MBOAT2: variants seen among roughly 807,000 people sequenced by gnomAD.
The protein encoded by MBOAT2 is membrane bound glycerophospholipid O-acyltransferase 2.
MBOAT2 carries 28 observed loss-of-function variants against 63.4 expected under a neutral mutation model. The ratio of observed to expected loss-of-function variants is 0.44; its 90% CI spans 0.33 to 0.61. The LOEUF is 0.61. Among genes scored for constraint, MBOAT2 ranks in the 20% least tolerant of loss-of-function variants. The probability of loss-of-function intolerance (pLI) is 0.03; values close to 1 mark genes in which losing one functional copy is unlikely to be tolerated. For missense variants in MBOAT2, 470 were observed against 605.8 expected (o/e 0.78, Z 2.35); for synonymous variants, 211 against 215.6 (o/e 0.98, Z 0.19).
chr2:8,993,662 A>G (rs1672067981), intron 1 of MBOAT2, among the ~76,000 whole-genome samples: 1 of 152,112 alleles, frequency 6.6e-6, no homozygotes, highest in South Asian at 2.1e-4. Context: ...TGGCCTTCCT[A>G]ACTTCCTCAG....
Position 8,862,274 on chromosome 2 carries a change from T to G in MBOAT2, c.1185+316A>C. 7.7e-7 allele frequency: 1 copy of G among 1,303,612 alleles called. No homozygotes were observed. Among genetic ancestry groups the G allele is most frequent in the Non-Finnish European group, 1.0e-6 (1 of 999,108 alleles). The allele number at this position is 1,303,612 out of a possible 1,614,324, so 80.8% of individuals were successfully genotyped here. ...AACATTTCTAAAATAAACCTACCCA[T>G]TCTGATCATCTTTATTTAACTCAGT... On this transcript the variant is annotated intron_variant, in intron 11 of 12. Transcript: ENST00000305997. The surrounding 1 kb of genome is among the most constrained non-coding windows in gnomAD (Gnocchi z 4.3).
intron 1 of MBOAT2, among the ~76,000 whole-genome samples, chr2:8,993,719 G>C (rs200585099): frequency 6.6e-6 from 1 of 152,138 alleles, no homozygotes; most frequent in Non-Finnish European, 1.5e-5. Flanking sequence ...GAGCTGCGGT[G>C]TTTTATGTCT....
chr2:8,911,795 G>C (rs1319052544), intron 3 of MBOAT2, among the ~76,000 whole-genome samples: 19 of 152,060 alleles, frequency 1.2e-4, no homozygotes. Flanking sequence ...GCTCAATGTT[G>C]AACTTTGTAA....
At chr2:8,954,333 T>C (rs1213638470) in intron 2 of MBOAT2, among the ~76,000 whole-genome samples, 1 of 152,168 alleles carries the variant, frequency 6.6e-6, no homozygotes, top group Admixed American at 6.5e-5. Context: ...AAGCTCTCTA[T>C]TGCCTCAGGC....
chr2:8,875,122 C>A (rs185416479), intron 7 of MBOAT2, among the ~76,000 whole-genome samples: 2 of 152,306 alleles, frequency 1.3e-5, no homozygotes, highest in African/African-American at 4.8e-5. Context: ...AGGTCCCCAA[C>A]AGAAGAGCCA....
At chr2:8,945,288 C>T (rs1025278745) in intron 2 of MBOAT2, among the ~76,000 whole-genome samples, 1 of 152,150 alleles carries the variant, frequency 6.6e-6, no homozygotes, top group African/African-American at 2.4e-5. Flanking sequence ...CATTCAGTTG[C>T]TTTTCCACTC....
At chr2:8,958,260 ATCTG>A (rs1393099345) in intron 2 of MBOAT2, among the ~76,000 whole-genome samples, 2 of 152,220 alleles carry the variant, frequency 1.3e-5, no homozygotes, top group Non-Finnish European at 2.9e-5. Flanking sequence ...TATCCTCTTC[ATCTG>A]TCTTTCCACA....
In MBOAT2 at chr2:8,908,608, GT is replaced by G. The variant is rs1319360039; in HGVS notation, c.395+12del. ...GGATAAAACAGGCTACTGAATCAAA[GT>G]TTTCATCTTACCCTGAAAAATCAGC... On this transcript the variant is annotated intron_variant, in intron 4 of 12. Transcript: ENST00000305997. 1 of 1,516,582 alleles carries G rather than the reference GT, an allele frequency of 6.6e-7. No individual in the cohort carries two copies. The highest frequency in any genetic ancestry group is 1.2e-5 in the South Asian group (1 of 85,460). 93.9% of individuals were successfully genotyped at this position (1,516,582 alleles called of 1,614,324 possible). A position where few individuals can be genotyped will look rare whatever the true frequency, so the allele number is the denominator to read the frequency against.
intron 10 of MBOAT2, among the ~76,000 whole-genome samples, chr2:8,863,055 T>TA (rs1323731155): frequency 2.6e-5 from 4 of 151,988 alleles, no homozygotes; most frequent in East Asian, 1.9e-4. Flanking sequence ...TTATTTTATT[T>TA]AAAAAAAATC....
At chr2:8,892,813 A>G (rs1664101803) in intron 4 of MBOAT2, among the ~76,000 whole-genome samples, 1 of 152,042 alleles carries the variant, frequency 6.6e-6, no homozygotes, top group Non-Finnish European at 1.5e-5. Context: ...AGCCCCAGGA[A>G]GAAGTGTGAC....
rs1459753784 is a variant in MBOAT2, at chr2:8,853,754, T to A, written c.*4925A>T. The A allele has an allele frequency of 6.6e-6, 1 of 152,160 alleles. No homozygotes were observed. The highest frequency in any genetic ancestry group is 2.4e-5 in the African/African-American group (1 of 41,436). The allele number at this position is 152,160 out of a possible 1,614,324, so 9.4% of individuals were successfully genotyped here. ...TAATTTACAGAACATACAGTCTTAG[T>A]GTTGTATTTTTTCTTTATAAAAGTT... is the stretch of plus-strand genomic sequence containing the variant. On this transcript the variant is annotated 3_prime_UTR_variant, in exon 13 of 13. Transcript: ENST00000305997.
intron 2 of MBOAT2, among the ~76,000 whole-genome samples, chr2:8,957,862 CATT>C (rs1253444635): frequency 6.6e-6 from 1 of 152,140 alleles, no homozygotes; most frequent in Non-Finnish European, 1.5e-5. Flanking sequence ...GCACAGCTAA[CATT>C]TGTTTGTTAC....
At position 8,877,007 on chromosome 2, in the gene MBOAT2, C is replaced by T. The variant is rs201575075; in HGVS notation, c.690+23G>A. On this transcript the variant is annotated intron_variant, in intron 7 of 12. Transcript: ENST00000305997. The stretch of plus-strand genomic sequence containing the variant: ...CTAACCAATACATGCTGTAAAGGCT[C>T]CAGATAAATCTCATGACCTTACATT... The T allele has an allele frequency of 1.8e-3, 2,846 of 1,582,864 alleles. 11 individuals carry two copies. Among genetic ancestry groups the T allele is most frequent in the Non-Finnish European group, 2.1e-3 (2,486 of 1,166,178 alleles).
chr2:8,893,260 G>C (rs1249732029), intron 4 of MBOAT2, among the ~76,000 whole-genome samples: 3 of 152,122 alleles, frequency 2.0e-5, no homozygotes, highest in Admixed American at 2.0e-4. Context: ...CAAGGTTTTT[G>C]ACCAGGGTAA....
chr2:9,001,358 T>A (rs934126660), intron 1 of MBOAT2, among the ~76,000 whole-genome samples: 3 of 152,144 alleles, frequency 2.0e-5, no homozygotes, highest in Non-Finnish European at 4.4e-5. Context: ...CACAGTAGGT[T>A]TGGACTGGCA....
chr2:8,903,444 C>A (rs1665109356), intron 4 of MBOAT2, among the ~76,000 whole-genome samples: 1 of 152,010 alleles, frequency 6.6e-6, no homozygotes, highest in Admixed American at 6.6e-5. Context: ...TAAGATATAT[C>A]CTTGATGTGA....
At chr2:8,967,451 A>G (rs1391157233) in intron 1 of MBOAT2, among the ~76,000 whole-genome samples, 3 of 152,262 alleles carry the variant, frequency 2.0e-5, no homozygotes, top group Non-Finnish European at 4.4e-5. Context: ...ACTCGAATAA[A>G]TGGAAACGCA....
intron 12 of MBOAT2, 116 bp from the exon 13 acceptor site, chr2:8,859,020 CTACATTAT>C (rs1661309156): frequency 1.4e-6 from 1 of 724,820 alleles, no homozygotes; most frequent in Admixed American, 2.9e-5. Flanking sequence ...TACTACATTA[CTACATTAT>C]TCTTTTATTT....
rs2103397374 is a variant in MBOAT2 at position 9,003,572 on chromosome 2, G to A, written c.43C>T (p.Leu15Phe). 2 of 1,232,478 alleles carry A rather than the reference G, an allele frequency of 1.6e-6. No individual in the cohort carries two copies. Among genetic ancestry groups the A allele is most frequent in the Non-Finnish European group, 2.0e-6 (2 of 981,450 alleles). 76.3% of individuals were successfully genotyped at this position (1,232,478 alleles called of 1,614,324 possible). A position where few individuals can be genotyped will look rare whatever the true frequency, so the allele number is the denominator to read the frequency against. ...ATGGGCAGCTGCACGGCGTTGCTGA[G>A]GGGCTGCAGCAGGGTGGAGCCCGTG... Reference protein sequence around the residue: ...STTGSTLLQPLSNAVQLPIDQ... With the variant: ...STTGSTLLQPFSNAVQLPIDQ... Residue 15 changes from leucine (L) to phenylalanine (F), a missense_variant, in exon 1 of 13, where the codon CTC (leucine) becomes TTC (phenylalanine). By Grantham distance (22) the Leu-to-Phe change is conservative (BLOSUM62 0). This residue lies in a region of MBOAT2 where 376 missense variants were observed against 503.8 expected (regional missense o/e 0.75). Transcript: ENST00000305997. The surrounding 1 kb of genome is among the most constrained non-coding windows in gnomAD (Gnocchi z 5.4).
Sources: gnomAD v4.1 joint callset for allele counts (sites outside exome capture counted in the v4.1 genomes callset) on GRCh38, gnomAD v4.1.1 for gene constraint, gnomAD v4.1.1 regional missense constraint, Gnocchi (gnomAD v3.1) non-coding constraint, MANE v1.5 for transcripts, NCBI Gene and HGNC (gene_info 2026-07-23, HGNC 2026-07-21) for gene names.